The following ENOX1 variants were observed in gnomAD, a reference collection of about 807,000 sequenced individuals.
The protein encoded by ENOX1 is ecto-NOX disulfide-thiol exchanger 1.
A neutral mutation model predicts 82.5 loss-of-function variants in ENOX1; 42 were observed. That is an observed-to-expected ratio of 0.51 (90% CI 0.40 to 0.66). The LOEUF is 0.66. ENOX1 is among the 30% of genes least tolerant of loss of function. The probability of loss-of-function intolerance (pLI) is 0.00; values close to 1 mark genes in which losing one functional copy is unlikely to be tolerated. For synonymous variants in ENOX1, 271 were observed against 282.2 expected (o/e 0.96, Z 0.40); for missense variants, 608 against 811.6 (o/e 0.75, Z 3.05).
At chr13:43,621,089 C>A (rs2082708069) in intron 2 of ENOX1, among the ~76,000 whole-genome samples, 1 of 152,178 alleles carries the variant, frequency 6.6e-6, no homozygotes, top group South Asian at 2.1e-4. Context: ...TGTCCATTTG[C>A]ATGAAATGCC....
At chr13:43,322,254 A>T in intron 11 of ENOX1, 130 bp downstream of exon 11, 1 of 633,402 alleles carries the variant, frequency 1.6e-6, no homozygotes, top group Non-Finnish European at 2.7e-6. Context: ...TAAAAAGCAG[A>T]GTCACTCAAA....
At chr13:43,243,135 CAA>C (rs748084568) in intron 14 of ENOX1, among the ~76,000 whole-genome samples, 4,003 of 81,402 alleles carry the variant, frequency 0.049, 115 homozygotes, top group African/African-American at 0.15. Context: ...GACTCTGTCT[CAA>C]AAAAAAAAAA....
At chr13:43,616,204 A>ATATATATATATATATTTTTTTT (rs1457149422) in intron 2 of ENOX1, among the ~76,000 whole-genome samples, 1 of 15,298 alleles carries the variant, frequency 6.5e-5, no homozygotes, top group African/African-American at 1.1e-4. Flanking sequence ...ATATATATAT[A>ATATATATATATATATTTTTTTT]TTTTTTTTTT....
At chr13:43,611,947 C>T (rs2082217862) in intron 2 of ENOX1, among the ~76,000 whole-genome samples, 1 of 152,220 alleles carries the variant, frequency 6.6e-6, no homozygotes, top group African/African-American at 2.4e-5. Context: ...TCTGATATCA[C>T]ATTCAGGGTT....
In ENOX1 at chr13:43,267,097, C is replaced by T. The variant is rs143870817; in HGVS notation, c.1555-1643G>A. On this transcript the variant is annotated intron_variant, in intron 13 of 16. Transcript: ENST00000690772. ...CTCCGCTGTGCTCCATTGCCAGAAC[C>T]GTGGAGGAAACCCCTCCCCGCTGCA... Among the ~76,000 whole-genome samples the T allele has an allele frequency of 2.3e-3, 344 of 152,314 alleles. 1 individual carries two copies. The highest frequency in any genetic ancestry group is 7.9e-3 in the African/African-American group (328 of 41,568).
chr13:43,494,480 A>C (rs2076727262), intron 2 of ENOX1, among the ~76,000 whole-genome samples: 2 of 152,342 alleles, frequency 1.3e-5, no homozygotes, highest in South Asian at 2.1e-4. Context: ...ATATAACCTA[A>C]GAAAATGACG....
At chr13:43,601,822 A>G (rs1045722402) in intron 2 of ENOX1, among the ~76,000 whole-genome samples, 2 of 152,190 alleles carry the variant, frequency 1.3e-5, no homozygotes, top group Admixed American at 1.3e-4. Context: ...GAAATAACAT[A>G]TAATGGAGCT....
At chr13:43,499,982 C>G (rs2076925535) in intron 2 of ENOX1, among the ~76,000 whole-genome samples, 1 of 151,652 alleles carries the variant, frequency 6.6e-6, no homozygotes, top group Non-Finnish European at 1.5e-5. Flanking sequence ...TTCAATCAAG[C>G]AGAAGAAAGA....
chr13:43,540,424 G>A (rs770898773), intron 2 of ENOX1, among the ~76,000 whole-genome samples: 1 of 152,090 alleles, frequency 6.6e-6, no homozygotes, highest in Non-Finnish European at 1.5e-5. Flanking sequence ...CTCGAATGCA[G>A]TTTCAGACAA....
intron 2 of ENOX1, among the ~76,000 whole-genome samples, chr13:43,616,202 A>C (rs1222575791): frequency 4.9e-5 from 2 of 41,234 alleles, no homozygotes; most frequent in African/African-American, 1.6e-4. Flanking sequence ...ATATATATAT[A>C]TATTTTTTTT....
chr13:43,664,235 T>A (rs1354509020), intron 2 of ENOX1, among the ~76,000 whole-genome samples: 2 of 152,174 alleles, frequency 1.3e-5, no homozygotes, highest in South Asian at 4.1e-4. Context: ...AGTTAGCAAA[T>A]TATTATCAAG....
chr13:43,712,398 G>A (rs998600277), intron 1 of ENOX1, among the ~76,000 whole-genome samples: 20 of 151,498 alleles, frequency 1.3e-4, no homozygotes, highest in African/African-American at 4.9e-4. Context: ...TTGACTTGGC[G>A]ATGTGGGCTC....
intron 3 of ENOX1, among the ~76,000 whole-genome samples, chr13:43,451,255 G>T (rs1400746012): frequency 6.6e-6 from 1 of 152,180 alleles, no homozygotes; most frequent in Non-Finnish European, 1.5e-5. Context: ...AACTTTGCTA[G>T]TGGGAAAATT....
Position 43,401,150 on chromosome 13 carries a change from A to G in ENOX1, c.208+10766T>C, listed in dbSNP as rs192922819. On this transcript the variant is annotated intron_variant, in intron 5 of 16. Coordinates refer to ENST00000690772, the MANE Select transcript of ENOX1 (RefSeq NM_001347969.2). Reference sequence around the variant, plus strand: ...TATTATTCTTTTTAGTGTTCCTAGTAAAGTCACTCATATCATAGCCCCAGA... The same window carrying G: ...TATTATTCTTTTTAGTGTTCCTAGTGAAGTCACTCATATCATAGCCCCAGA... Among the ~76,000 whole-genome samples the G allele has an allele frequency of 3.9e-5, 6 of 152,350 alleles. No individual in the cohort carries two copies. The East Asian group carries it at 1.2e-3, about 29-fold the overall frequency.
At chr13:43,227,862 A>T (rs959531572) in intron 15 of ENOX1, among the ~76,000 whole-genome samples, 5 of 152,114 alleles carry the variant, frequency 3.3e-5, no homozygotes, top group Non-Finnish European at 5.9e-5. Context: ...TGTGGATGAC[A>T]ACCCAATTAT....
intron 2 of ENOX1, among the ~76,000 whole-genome samples, chr13:43,656,872 A>C (rs1393815171): frequency 1.3e-5 from 2 of 152,188 alleles, no homozygotes; most frequent in Non-Finnish European, 2.9e-5. Flanking sequence ...CTTCCCCAGG[A>C]ACATGTTAAA....
intron 16 of ENOX1, among the ~76,000 whole-genome samples, chr13:43,216,880 C>T (rs1237929134): frequency 6.6e-6 from 1 of 152,198 alleles, no homozygotes; most frequent in Non-Finnish European, 1.5e-5. Flanking sequence ...CAGTGCCACC[C>T]AGCAGCCCTG....
At chr13:43,633,132 T>C (rs2083283626) in intron 2 of ENOX1, among the ~76,000 whole-genome samples, 1 of 152,194 alleles carries the variant, frequency 6.6e-6, no homozygotes, top group Non-Finnish European at 1.5e-5. Flanking sequence ...TCATGACAAA[T>C]ATAATGTTTA....
At chr13:43,543,039 T>C (rs1023871787) in intron 2 of ENOX1, among the ~76,000 whole-genome samples, 9 of 152,132 alleles carry the variant, frequency 5.9e-5, no homozygotes, top group Non-Finnish European at 1.3e-4. Context: ...GGTGAAGATA[T>C]CAACTTATGA....
Sources: gnomAD v4.1 joint callset for allele counts (sites outside exome capture counted in the v4.1 genomes callset) on GRCh38, gnomAD v4.1.1 for gene constraint, MANE v1.5 for transcripts, NCBI Gene and HGNC (gene_info 2026-07-23, HGNC 2026-07-21) for gene names.